The following BICD1 variants were observed in gnomAD, a reference collection of about 807,000 sequenced individuals.
The protein encoded by BICD1 is BICD cargo adaptor 1.
A neutral mutation model predicts 92.5 loss-of-function variants in BICD1; 35 were observed. The ratio of observed to expected loss-of-function variants is 0.38; its 90% confidence interval spans 0.29 to 0.50. The LOEUF (loss-of-function observed/expected upper bound fraction) is 0.50. Ranked by LOEUF, BICD1 falls within the 20% of genes least tolerant of loss-of-function variation. The pLI, the probability that BICD1 is intolerant of heterozygous loss-of-function variation, is 0.93. For synonymous variants in BICD1, 429 were observed against 465.1 expected, an observed-to-expected ratio of 0.92 and a Z score of 1.00; for missense variants, 950 against 1,189.8, an observed-to-expected ratio of 0.80 and a Z score of 2.97.
chr12:32,367,798 C>A (rs1939582798), intron 9 of BICD1, 53 bp downstream of exon 9: 4 of 1,500,404 alleles, frequency 2.7e-6, no homozygotes, highest in Non-Finnish European at 3.7e-6. Context: ...GATCCATAGA[C>A]CCCAGCTCCC....
intron 1 of BICD1, among the ~76,000 whole-genome samples, chr12:32,207,473 A>C (rs1049062832): frequency 6.6e-6 from 1 of 152,236 alleles, no homozygotes; most frequent in Admixed American, 6.5e-5. Context: ...CTCGGTAGGC[A>C]TGTAATGTGA....
At chr12:32,370,369 A>AG (rs1939691645) in intron 9 of BICD1, among the ~76,000 whole-genome samples, 1 of 152,076 alleles carries the variant, frequency 6.6e-6, no homozygotes, top group African/African-American at 2.4e-5. Flanking sequence ...GAAAAAAAAA[A>AG]AAGAAATAAT....
In BICD1 at chr12:32,317,573, A is replaced by C. The variant is rs146511551; in HGVS notation, c.1006-9888A>C. Among the ~76,000 whole-genome samples, 11 of 152,120 alleles carry C rather than the reference A, an allele frequency of 7.2e-5. No individual in the cohort carries two copies. The East Asian group carries it at 2.1e-3, about 29-fold the overall frequency. ...GGGGTTGTTTGTTTTTTTCTTGTAA[A>C]TTTGTATGAGTTCATTGTAGATCCT... On this transcript the variant is annotated intron_variant, in intron 4 of 9. Coordinates refer to ENST00000652176, the MANE Select transcript of BICD1 (RefSeq NM_001714.4).
At chr12:32,292,346 G>C (rs1289902276) in intron 2 of BICD1, among the ~76,000 whole-genome samples, 2 of 152,164 alleles carry the variant, frequency 1.3e-5, no homozygotes, top group African/African-American at 2.4e-5. Flanking sequence ...GTATGTGTCA[G>C]TTTCTGTGTG....
intron 1 of BICD1, among the ~76,000 whole-genome samples, chr12:32,139,595 G>A (rs1942837412): frequency 6.6e-6 from 1 of 152,156 alleles, no homozygotes; most frequent in Admixed American, 6.5e-5. Context: ...ACGGAGTCTC[G>A]CTCTGTCGCC....
chr12:32,350,479 A>AAAAG (rs1243620403), intron 8 of BICD1, among the ~76,000 whole-genome samples: 8 of 152,194 alleles, frequency 5.3e-5, no homozygotes, highest in Non-Finnish European at 1.2e-4. Context: ...TAAATAAATA[A>AAAAG]AAAGAAAGAA....
chr12:32,300,568 G>T (rs1201818240), intron 3 of BICD1, among the ~76,000 whole-genome samples: 1 of 150,992 alleles, frequency 6.6e-6, no homozygotes, highest in Non-Finnish European at 1.5e-5. Flanking sequence ...AGGTTGGCAA[G>T]AGGTGTCCTA....
At chr12:32,114,485 A>G (rs1203388026) in intron 1 of BICD1, among the ~76,000 whole-genome samples, 1 of 151,984 alleles carries the variant, frequency 6.6e-6, no homozygotes, top group African/African-American at 2.4e-5. Context: ...GGGCTCAAGC[A>G]ATCCTCATGC....
intron 2 of BICD1, among the ~76,000 whole-genome samples, chr12:32,248,632 T>G (rs1946448342): frequency 6.6e-6 from 1 of 152,128 alleles, no homozygotes; most frequent in South Asian, 2.1e-4. Context: ...AACTCTAAGT[T>G]AGAAGAGGGT....
chr12:32,276,621 G>C (rs926243760), intron 2 of BICD1, among the ~76,000 whole-genome samples: 1 of 151,994 alleles, frequency 6.6e-6, no homozygotes, highest in African/African-American at 2.4e-5. Flanking sequence ...CCCTCCCTTT[G>C]TATGGGAGCT....
At chr12:32,107,944 C>T in intron 1 of BICD1, 2 of 510,988 alleles carry the variant, frequency 3.9e-6, no homozygotes. Context: ...TGCCTGAGGA[C>T]CCACAATTTC....
chr12:32,216,270 C>T lies in BICD1; in HGVS notation c.237C>T (p.Ile79=). ...LKEAFGQSFS[I]HRKVAEDGET... is the part of the protein sequence containing the mutation. ...AGGCATTTGGGCAGTCCTTCTCCAT[C>T]CACCGGAAGGTTGCTGAAGATGGAG... The change falls in exon 2 of 10, where the codon ATC becomes ATT. Residue 79 remains isoleucine, a synonymous_variant. Coordinates refer to ENST00000652176, the MANE Select transcript of BICD1 (RefSeq NM_001714.4). The T allele has an allele frequency of 6.2e-7, 1 of 1,613,868 alleles. No individual in the cohort carries two copies.
intron 2 of BICD1, among the ~76,000 whole-genome samples, chr12:32,233,456 T>C (rs980662289): frequency 1.3e-5 from 2 of 152,072 alleles, no homozygotes; most frequent in Non-Finnish European, 2.9e-5. Flanking sequence ...AATGCGGAAC[T>C]CGTATGGTGT....
chr12:32,266,719 G>A (rs936880237), intron 2 of BICD1, among the ~76,000 whole-genome samples: 5 of 152,056 alleles, frequency 3.3e-5, no homozygotes, highest in South Asian at 2.1e-4. Context: ...ATAGCCAGGC[G>A]TGGTGGTGCA....
In BICD1 at chr12:32,341,967, C is replaced by T. The variant is rs1054462080; in HGVS notation, c.2764+2988C>T. On this transcript the variant is annotated intron_variant, in intron 8 of 9. Transcript: ENST00000652176. ...TGTTCTATATAAGAAATATCATAAG[C>T]CCATGGGAAATAGTAGATTTTATGA... Among the ~76,000 whole-genome samples, 6 of 151,528 alleles carry T rather than the reference C, an allele frequency of 4.0e-5. 1 individual carries two copies. The highest frequency in any genetic ancestry group is 3.3e-4 in the Admixed American group (5 of 15,210).
intron 1 of BICD1, among the ~76,000 whole-genome samples, chr12:32,188,525 T>C (rs985599393): frequency 2.6e-5 from 4 of 152,212 alleles, no homozygotes; most frequent in Non-Finnish European, 4.4e-5. Flanking sequence ...AAGTTTACAA[T>C]TCAAAACCCA....
At chr12:32,252,072 T>TAATACATATTATA (rs1946551886) in intron 2 of BICD1, among the ~76,000 whole-genome samples, 5 of 36,560 alleles carry the variant, frequency 1.4e-4, no homozygotes, top group East Asian at 8.4e-4. Flanking sequence ...TATATATTTA[T>TAATACATATTATA]AATATATATT....
At chr12:32,238,108 T>C (rs1460780958) in intron 2 of BICD1, among the ~76,000 whole-genome samples, 1 of 152,136 alleles carries the variant, frequency 6.6e-6, no homozygotes, top group African/African-American at 2.4e-5. Context: ...TTTGAGGGCT[T>C]TAAGACTTCA....
intron 8 of BICD1, among the ~76,000 whole-genome samples, chr12:32,351,487 C>CAAAAA (rs35002678): frequency 2.3e-3 from 133 of 57,080 alleles, no homozygotes; most frequent in East Asian, 5.0e-3. Context: ...GACTCTGTCT[C>CAAAAA]AAAAAAAAAA....
Sources: gnomAD v4.1 joint callset for allele counts (sites outside exome capture counted in the v4.1 genomes callset) on GRCh38, gnomAD v4.1.1 for gene constraint, MANE v1.5 for transcripts, NCBI Gene and HGNC (gene_info 2026-07-23, HGNC 2026-07-21) for gene names.